ITPR2: variants seen among roughly 807,000 people sequenced by gnomAD.
The protein encoded by ITPR2 is inositol 1,4,5-trisphosphate-gated calcium channel ITPR2.
Under a neutral mutation model 317.1 loss-of-function variants are expected in ITPR2, and 207 were observed. That is an observed-to-expected ratio of 0.65 (90% CI 0.58 to 0.73). ITPR2 has a LOEUF of 0.73. Among genes scored for constraint, ITPR2 ranks in the 30% least tolerant of loss-of-function variants. ITPR2 has a pLI of 0.00. For synonymous variants in ITPR2, 1,156 were observed against 1,149.1 expected, an observed-to-expected ratio of 1.01 and a Z score of -0.12; for missense variants, 2,613 against 3,284.0, an observed-to-expected ratio of 0.80 and a Z score of 4.99.
chr12:26,683,325 T>A (rs1948070592), intron 11 of ITPR2, among the ~76,000 whole-genome samples: 1 of 152,200 alleles, frequency 6.6e-6, no homozygotes, highest in Admixed American at 6.5e-5. Flanking sequence ...ATGCTCTGCC[T>A]TCTTGTCTCA....
Position 26,784,347 on chromosome 12 carries a change from CTCCCTCT to C in ITPR2, c.163+5803_163+5809del, listed in dbSNP as rs1418109917. Among the ~76,000 whole-genome samples the C allele has an allele frequency of 3.7e-3, 173 of 47,102 alleles. 41 individuals carry two copies. The highest frequency in any genetic ancestry group is 0.016 in the Middle Eastern group (2 of 126). The allele number at this position is 47,102 out of a possible 152,430, so 30.9% of individuals were successfully genotyped here. A position where few individuals can be genotyped will look rare whatever the true frequency, so the allele number is the denominator to read the frequency against. ...TCTCCCTCTCCCTCTCCCTCTCCCT[CTCCCTCT>C]CCCTCTCCCTCCACGGTCTCCTTCC... On this transcript the variant is annotated intron_variant, in intron 2 of 56. Transcript: ENST00000381340.
chr12:26,731,623 C>T (rs1949029729), intron 2 of ITPR2, among the ~76,000 whole-genome samples: 1 of 151,918 alleles, frequency 6.6e-6, no homozygotes, highest in Non-Finnish European at 1.5e-5. Context: ...AAATTGAGAC[C>T]CTGTCTCTAC....
intron 2 of ITPR2, among the ~76,000 whole-genome samples, chr12:26,739,772 TAAA>T: frequency 6.6e-6 from 1 of 152,314 alleles, no homozygotes; most frequent in African/African-American, 2.4e-5. Flanking sequence ...TTAAAAGGAG[TAAA>T]TTTTATGGTA....
chr12:26,354,198 C>T (rs10842718), intron 55 of ITPR2, among the ~76,000 whole-genome samples: 45,075 of 151,768 alleles, frequency 0.3, 7,760 homozygotes, highest in East Asian at 0.58. Context: ...CTCTTGAACC[C>T]GGGAGGTGGA....
chr12:26,768,339 C>T (rs1297295994), intron 2 of ITPR2, among the ~76,000 whole-genome samples: 1 of 145,706 alleles, frequency 6.9e-6, no homozygotes, highest in Non-Finnish European at 1.5e-5. Flanking sequence ...GGGTGCAGCG[C>T]ACCAGCATGG....
chr12:26,666,492 T>C (rs1430740322), intron 13 of ITPR2, among the ~76,000 whole-genome samples: 3 of 152,212 alleles, frequency 2.0e-5, no homozygotes, highest in Non-Finnish European at 2.9e-5. Context: ...CAAAGCAGCA[T>C]ACTTCTGCTT....
intron 11 of ITPR2, among the ~76,000 whole-genome samples, chr12:26,683,203 G>GC (rs1948068555): frequency 6.6e-6 from 1 of 152,092 alleles, no homozygotes; most frequent in African/African-American, 2.4e-5. Context: ...TTTATTTGTA[G>GC]CCCCCAAATC....
intron 45 of ITPR2, among the ~76,000 whole-genome samples, chr12:26,456,710 T>G (rs939312656): frequency 6.6e-6 from 1 of 152,174 alleles, no homozygotes; most frequent in Non-Finnish European, 1.5e-5. Context: ...TCTCACTCTG[T>G]CACCCAGGCT....
chr12:26,369,167 T>G (rs1021303098), intron 55 of ITPR2, among the ~76,000 whole-genome samples: 5 of 152,194 alleles, frequency 3.3e-5, no homozygotes, highest in Admixed American at 3.3e-4. Context: ...GGGCAGAGCA[T>G]AGCAGGTGCC....
At chr12:26,364,162 T>A (rs1342802599) in intron 55 of ITPR2, among the ~76,000 whole-genome samples, 1 of 152,178 alleles carries the variant, frequency 6.6e-6, no homozygotes, top group Admixed American at 6.5e-5. Flanking sequence ...ATCTTTACAT[T>A]TAAGATTTGA....
intron 36 of ITPR2, among the ~76,000 whole-genome samples, chr12:26,551,503 T>A (rs1328766561): frequency 6.6e-6 from 1 of 152,190 alleles, no homozygotes; most frequent in Admixed American, 6.5e-5. Context: ...AGGTCACTGA[T>A]CTCCTGAGTC....
chr12:26,564,220 G>A (rs748888035), intron 34 of ITPR2, among the ~76,000 whole-genome samples: 7 of 152,124 alleles, frequency 4.6e-5, no homozygotes, highest in African/African-American at 1.7e-4. Context: ...ATAAAACAGA[G>A]AGACTGTGAA....
chr12:26,615,217 G>A (rs780094957), intron 26 of ITPR2, among the ~76,000 whole-genome samples: 4 of 151,976 alleles, frequency 2.6e-5, no homozygotes, highest in African/African-American at 4.8e-5. Context: ...CAAGTACATC[G>A]GATCTCCGAG....
chr12:26,443,733 T>C (rs1941543807), intron 45 of ITPR2, 83 bp from the exon 46 acceptor site: 1 of 961,216 alleles, frequency 1.0e-6, no homozygotes, highest in South Asian at 1.4e-5. Context: ...TGTCTACTTG[T>C]ACACATAGCT....
chr12:26,606,965 G>A (rs1442051603), intron 26 of ITPR2, among the ~76,000 whole-genome samples: 1 of 152,094 alleles, frequency 6.6e-6, no homozygotes, highest in Non-Finnish European at 1.5e-5. Flanking sequence ...ACTGATTAAT[G>A]GGAATCCAGC....
Position 26,682,064 on chromosome 12 carries a change from T to C in ITPR2, c.1249-30A>G, listed in dbSNP as rs199867725. ...AATGTTTTTCCATTAAGCTTAGTTT[T>C]ATAAACAACTATACAATATTCTTTG... On this transcript the variant is annotated intron_variant, in intron 12 of 56. Coordinates refer to ENST00000381340, the MANE Select transcript of ITPR2 (RefSeq NM_002223.4). 7.5e-5 allele frequency: 117 copies of C among 1,563,364 alleles called. 1 individual carries two copies. The African/African-American group carries it at 1.5e-3, about 21-fold the overall frequency.
intron 45 of ITPR2, among the ~76,000 whole-genome samples, chr12:26,447,459 A>G (rs1941634458): frequency 6.6e-6 from 1 of 151,866 alleles, no homozygotes; most frequent in Non-Finnish European, 1.5e-5. Context: ...TCCATTTCAC[A>G]TTTATCTTTT....
chr12:26,458,557 A>C (rs1941942288), intron 45 of ITPR2, among the ~76,000 whole-genome samples: 1 of 152,198 alleles, frequency 6.6e-6, no homozygotes, highest in Non-Finnish European at 1.5e-5. Flanking sequence ...ACTTTGTGTC[A>C]ATGTTAAACA....
At chr12:26,745,824 C>A (rs1949312638) in intron 2 of ITPR2, among the ~76,000 whole-genome samples, 1 of 152,148 alleles carries the variant, frequency 6.6e-6, no homozygotes, top group African/African-American at 2.4e-5. Flanking sequence ...CATGATTGAG[C>A]ACACTGGCAT....
Sources: gnomAD v4.1 joint callset for allele counts (sites outside exome capture counted in the v4.1 genomes callset) on GRCh38, gnomAD v4.1.1 for gene constraint, MANE v1.5 for transcripts, NCBI Gene and HGNC (gene_info 2026-07-23, HGNC 2026-07-21) for gene names.